Variants in RGS6 observed in about 807,000 individuals in gnomAD.
RGS6 encodes regulator of G protein signaling 6.
Under a neutral mutation model 78.5 loss-of-function variants are expected in RGS6, and 30 were observed. The ratio of observed to expected loss-of-function variants is 0.38; its 90% CI spans 0.29 to 0.52. RGS6 has a LOEUF of 0.52. Ranked by LOEUF, RGS6 falls within the 20% of genes least tolerant of loss-of-function variation. The pLI is 0.85. For missense variants in RGS6, 495 were observed against 609.7 expected, an observed-to-expected ratio of 0.81 and a Z score of 1.98; for synonymous variants, 206 against 206.0, an observed-to-expected ratio of 1.00 and a Z score of 0.00.
intron 2 of RGS6, among the ~76,000 whole-genome samples, chr14:72,089,179 G>T (rs1243919341): frequency 1.3e-5 from 2 of 152,152 alleles, no homozygotes; most frequent in South Asian, 4.1e-4. Context: ...AACAGTGACT[G>T]GCACATGGAA....
intron 2 of RGS6, among the ~76,000 whole-genome samples, chr14:72,222,803 A>G (rs2047182160): frequency 1.3e-5 from 2 of 152,228 alleles, no homozygotes; most frequent in African/African-American, 4.8e-5. Context: ...CTACACTGCT[A>G]AGTGCTAATT....
At chr14:72,572,443 A>G in the RGS6 span, among the ~76,000 whole-genome samples, 1 of 152,260 alleles carries the variant, frequency 6.6e-6, no homozygotes, top group African/African-American at 2.4e-5. Context: ...ACGTATTCAT[A>G]CCATGGAATA....
chr14:71,945,716 G>C (rs1432453723), intron 1 of RGS6, among the ~76,000 whole-genome samples: 1 of 152,182 alleles, frequency 6.6e-6, no homozygotes, highest in African/African-American at 2.4e-5. Flanking sequence ...TGGATCTCAG[G>C]GTTGGGGTTG....
chr14:72,395,921 C>T (rs2091138663), intron 3 of RGS6, among the ~76,000 whole-genome samples: 1 of 152,062 alleles, frequency 6.6e-6, no homozygotes, highest in South Asian at 2.1e-4. Context: ...TTTTCTTAAT[C>T]CAGTCTATCA....
At chr14:72,191,820 GC>G (rs1477644064) in intron 2 of RGS6, among the ~76,000 whole-genome samples, 3 of 152,132 alleles carry the variant, frequency 2.0e-5, no homozygotes, top group Non-Finnish European at 4.4e-5. Flanking sequence ...TCCATCCCGG[GC>G]CTTTATATGG....
At chr14:72,454,804 C>T (rs2095587973) in intron 4 of RGS6, among the ~76,000 whole-genome samples, 2 of 152,148 alleles carry the variant, frequency 1.3e-5, no homozygotes, top group African/African-American at 2.4e-5. Flanking sequence ...TTTTAGAATG[C>T]CAAAGAGCCC....
chr14:71,975,119 A>G (rs2094039294), intron 2 of RGS6, among the ~76,000 whole-genome samples: 1 of 152,208 alleles, frequency 6.6e-6, no homozygotes, highest in African/African-American at 2.4e-5. Context: ...GTGCCACCAC[A>G]CTCTAGCCTG....
chr14:72,536,101 C>A, intron 15 of RGS6, 85 bp from the exon 16 acceptor site: 1 of 1,093,026 alleles, frequency 9.1e-7, no homozygotes, highest in Non-Finnish European at 1.4e-6. Context: ...TCTCCTTCCC[C>A]AAAACAGTGA....
chr14:72,431,383 C>T (rs909304429), intron 3 of RGS6, among the ~76,000 whole-genome samples: 2 of 152,158 alleles, frequency 1.3e-5, no homozygotes, highest in African/African-American at 2.4e-5. Flanking sequence ...GACAGAGTCT[C>T]ATTCCATTGT....
At chr14:71,973,079 C>A (rs541454880) in intron 2 of RGS6, among the ~76,000 whole-genome samples, 1 of 152,128 alleles carries the variant, frequency 6.6e-6, no homozygotes, top group Non-Finnish European at 1.5e-5. Context: ...TATGGCCATG[C>A]GTAAGTTGTT....
At chr14:72,542,475 C>T (rs1257648475) in intron 17 of RGS6, among the ~76,000 whole-genome samples, 1 of 152,196 alleles carries the variant, frequency 6.6e-6, no homozygotes. Flanking sequence ...AATGTTTTAT[C>T]TGCTATATAC....
At chr14:72,264,880 ATTTCAACATACCATGC>A (rs2058771952) in intron 2 of RGS6, among the ~76,000 whole-genome samples, 1 of 152,062 alleles carries the variant, frequency 6.6e-6, no homozygotes, top group South Asian at 2.1e-4. Context: ...TCTTTGATGT[ATTTCAACATACCATGC>A]TTTCAGGAAC....
intron 3 of RGS6, among the ~76,000 whole-genome samples, chr14:72,439,599 C>G (rs1215795482): frequency 6.6e-6 from 1 of 152,240 alleles, no homozygotes; most frequent in Non-Finnish European, 1.5e-5. Context: ...AATACTTTCT[C>G]TCCTCCACAT....
chr14:71,869,170 A>G, the RGS6 span, among the ~76,000 whole-genome samples: 7 of 152,332 alleles, frequency 4.6e-5, no homozygotes, highest in South Asian at 1.2e-3. Flanking sequence ...GGACAGGTGT[A>G]AAAACCTGCC....
At chr14:72,452,940 T>C (rs569005755) in intron 3 of RGS6, among the ~76,000 whole-genome samples, 2 of 152,212 alleles carry the variant, frequency 1.3e-5, no homozygotes, top group African/African-American at 2.4e-5. Context: ...ATTCAGAGGA[T>C]TGGGAACATA....
chr14:72,540,588 T>C (rs1476968982), intron 17 of RGS6: 6 of 1,515,476 alleles, frequency 4.0e-6, no homozygotes, highest in Non-Finnish European at 5.3e-6. Context: ...GCTTTTGCTG[T>C]GTGCAGAAAG....
At chr14:72,461,604 A>G (rs1224886995) in intron 6 of RGS6, among the ~76,000 whole-genome samples, 1 of 152,076 alleles carries the variant, frequency 6.6e-6, no homozygotes, top group African/African-American at 2.4e-5. Flanking sequence ...AGATGGGAGG[A>G]TCACTTGAGC....
At chr14:72,233,973 G>T (rs1740497359) in intron 2 of RGS6, among the ~76,000 whole-genome samples, 1 of 152,114 alleles carries the variant, frequency 6.6e-6, no homozygotes, top group African/African-American at 2.4e-5. Flanking sequence ...CATCATTTGG[G>T]GGTAGCGGCT....
the RGS6 span, among the ~76,000 whole-genome samples, chr14:72,614,832 C>A: frequency 2.0e-5 from 3 of 149,182 alleles, no homozygotes; most frequent in African/African-American, 7.4e-5. Context: ...CCCTCCAGCT[C>A]CTTAGCTCGA....
Sources: gnomAD v4.1 joint callset for allele counts (sites outside exome capture counted in the v4.1 genomes callset) on GRCh38, gnomAD v4.1.1 for gene constraint, MANE v1.5 for transcripts, NCBI Gene and HGNC (gene_info 2026-07-23, HGNC 2026-07-21) for gene names.